CWH43: variants seen among roughly 807,000 people sequenced by gnomAD.
CWH43 encodes the protein cell wall biogenesis 43 C-terminal homolog, also known as PGAP2-interacting protein.
CWH43 carries 91 observed loss-of-function variants against 85.7 expected under a neutral mutation model. The observed-to-expected ratio is 1.06, with a 90% CI of 0.90 to 1.26. The LOEUF is 1.26. CWH43 is among the 50% of genes most tolerant of loss of function. The probability of loss-of-function intolerance (pLI) is 0.00; values close to 1 mark genes in which losing one functional copy is unlikely to be tolerated. For synonymous variants in CWH43, 323 were observed against 293.6 expected, an observed-to-expected ratio of 1.10 and a Z score of -1.02; for missense variants, 869 against 839.2, an observed-to-expected ratio of 1.04 and a Z score of -0.44.
At chr4:49,054,562 AT>A (rs982661091) in intron 15 of CWH43, among the ~76,000 whole-genome samples, 2 of 152,122 alleles carry the variant, frequency 1.3e-5, no homozygotes, top group Non-Finnish European at 2.9e-5. Context: ...TGGAATTTTG[AT>A]AAGGATTACA....
chr4:49,031,196 G>A (rs555509832), intron 11 of CWH43: 27 of 396,920 alleles, frequency 6.8e-5, no homozygotes, highest in African/African-American at 5.0e-4. Flanking sequence ...AGCTGAGGTT[G>A]CAGCACCAAG....
In CWH43 at chr4:49,033,470, C is replaced by T. The variant is rs76816844; in HGVS notation, c.1658+755C>T. On this transcript the variant is annotated intron_variant, in intron 12 of 15. Coordinates refer to ENST00000226432, the MANE Select transcript of CWH43 (RefSeq NM_025087.3). ...TCTCTCCTTGATGGAAAGAAGAGGA[C>T]GGAAAACAGCCTGTCTGCAAACTGG... Among the ~76,000 whole-genome samples the T allele has an allele frequency of 8.2e-3, 1,245 of 152,118 alleles. 12 individuals carry two copies. The highest frequency in any genetic ancestry group is 0.025 in the African/African-American group (1,019 of 41,496).
At chr4:49,018,812 G>A (rs1783642495) in intron 9 of CWH43, among the ~76,000 whole-genome samples, 4 of 152,182 alleles carry the variant, frequency 2.6e-5, no homozygotes, top group Admixed American at 2.6e-4. Context: ...CACAGACCAT[G>A]CTTCTCTTCT....
Position 49,032,704 on chromosome 4 carries a change from T to C in CWH43, c.1647T>C (p.Phe549=), listed in dbSNP as rs776608528. The C allele has an allele frequency of 1.6e-5, 26 of 1,614,078 alleles. No homozygotes were observed. The highest frequency in any genetic ancestry group is 2.2e-5 in the Non-Finnish European group (26 of 1,179,918). ...GKLVDFVVTH[F]GNHEDDLDRK... ...TGGTGGATTTTGTCGTGACACACTT[T>C]GGGAACCACGAGTGGGTTTCTTTGG... is the stretch of plus-strand genomic sequence containing the variant. Residue 549 remains phenylalanine (F), a synonymous_variant, in exon 12 of 16, where the codon TTT becomes TTC. Transcript: ENST00000226432.
At chr4:49,033,024 G>A (rs1237813093) in intron 12 of CWH43, among the ~76,000 whole-genome samples, 4 of 152,082 alleles carry the variant, frequency 2.6e-5, no homozygotes, top group South Asian at 4.2e-4. Context: ...CACTCTTAGA[G>A]CCCCGTTTTG....
chr4:49,004,969 A>G (rs187481958), intron 7 of CWH43, among the ~76,000 whole-genome samples: 19 of 152,294 alleles, frequency 1.2e-4, no homozygotes, highest in Admixed American at 3.3e-4. Flanking sequence ...CATAAATCGA[A>G]TGTTGTGAAT....
chr4:49,016,537 A>AC, intron 8 of CWH43: 1 of 656,826 alleles, frequency 1.5e-6, no homozygotes, highest in Non-Finnish European at 2.9e-6. Context: ...TAGTAAGCGG[A>AC]GAAGGGATTG....
chr4:49,058,040 CTTA>C (rs1785021481), intron 15 of CWH43, among the ~76,000 whole-genome samples: 2 of 152,064 alleles, frequency 1.3e-5, no homozygotes, highest in Admixed American at 6.5e-5. Flanking sequence ...TTTCTTATAA[CTTA>C]TTTTTTTCAC....
intron 12 of CWH43, among the ~76,000 whole-genome samples, chr4:49,033,485 C>G (rs1262381671): frequency 2.6e-5 from 4 of 152,152 alleles, no homozygotes; most frequent in Admixed American, 2.0e-4. Flanking sequence ...AACAGCCTGT[C>G]TGCAAACTGG....
chr4:49,046,688 G>T (rs117857115), intron 14 of CWH43, among the ~76,000 whole-genome samples: 1 of 152,176 alleles, frequency 6.6e-6, no homozygotes, highest in Admixed American at 6.5e-5. Context: ...CAGGGGAGGC[G>T]GGGAAAGTTT....
intron 8 of CWH43, among the ~76,000 whole-genome samples, chr4:49,007,570 G>T (rs1273233132): frequency 6.6e-6 from 1 of 151,976 alleles, no homozygotes; most frequent in Non-Finnish European, 1.5e-5. Flanking sequence ...TGGTTTGCTG[G>T]ACCCATCAAC....
chr4:49,037,961 G>C, intron 12 of CWH43, 75 bp from the exon 13 acceptor site: 13 of 1,347,594 alleles, frequency 9.6e-6, no homozygotes, highest in Non-Finnish European at 1.2e-5. Flanking sequence ...ATAGTCTTTG[G>C]CAACTTAGGT....
At chr4:49,013,879 A>G (rs1464591911) in intron 8 of CWH43, among the ~76,000 whole-genome samples, 1 of 152,214 alleles carries the variant, frequency 6.6e-6, no homozygotes, top group East Asian at 1.9e-4. Flanking sequence ...ACTATTCAAT[A>G]TAGTAAACTC....
chr4:49,052,866 C>T (rs1326159573), intron 15 of CWH43, among the ~76,000 whole-genome samples: 4 of 152,122 alleles, frequency 2.6e-5, no homozygotes, highest in Non-Finnish European at 4.4e-5. Context: ...AGTCACAATG[C>T]TTTACAATAG....
chr4:49,017,045 A>G, intron 8 of CWH43: 2 of 744,984 alleles, frequency 2.7e-6, no homozygotes, highest in African/African-American at 1.7e-5. Flanking sequence ...AAACCACCTC[A>G]GCGTCGGCTG....
In CWH43 at chr4:49,028,624, C is replaced by A. The variant is rs1456730320; in HGVS notation, c.1267-5C>A. On this transcript the variant is annotated splice_polypyrimidine_tract_variant and splice_region_variant and intron_variant, in intron 9 of 15. Coordinates refer to ENST00000226432, the MANE Select transcript of CWH43 (RefSeq NM_025087.3). The stretch of plus-strand genomic sequence containing the variant: ...TCCTAAACTACCATTAAAACAATTC[C>A]TCAGGCACCAACCAAAGAGGTCTCT... 6.2e-7 allele frequency: 1 copy of A among 1,608,874 alleles called. No homozygotes were observed. The highest frequency in any genetic ancestry group is 1.7e-5 in the Admixed American group (1 of 59,594).
chr4:48,987,715 T>C (rs957148416), intron 1 of CWH43, among the ~76,000 whole-genome samples: 2 of 152,218 alleles, frequency 1.3e-5, no homozygotes, highest in African/African-American at 4.8e-5. Flanking sequence ...TCATTATTGC[T>C]CAAGATTATA....
intron 9 of CWH43, among the ~76,000 whole-genome samples, chr4:49,020,501 T>C (rs187360327): frequency 3.7e-4 from 56 of 152,102 alleles, no homozygotes; most frequent in African/African-American, 1.3e-3. Context: ...AAATGTCAAA[T>C]TGTGCTGCTG....
intron 8 of CWH43, chr4:49,016,944 T>C: frequency 1.3e-6 from 1 of 783,804 alleles, no homozygotes. Flanking sequence ...AAAGGCCCCA[T>C]TAGTCACTTT....
Sources: allele counts gnomAD v4.1 joint callset (sites outside exome capture counted in the v4.1 genomes callset), GRCh38; gene constraint gnomAD v4.1.1; transcripts MANE v1.5; gene names NCBI Gene and HGNC (gene_info 2026-07-23, HGNC 2026-07-21).